The following RPTOR variants were observed in gnomAD, a reference collection of about 807,000 sequenced individuals.
The protein encoded by RPTOR is regulatory-associated protein of mTOR.
Under a neutral mutation model 169.9 loss-of-function variants are expected in RPTOR, and 21 were observed. The ratio of observed to expected loss-of-function variants is 0.12; its 90% CI spans 0.09 to 0.18. The LOEUF (loss-of-function observed/expected upper bound fraction) is 0.18. Ranked by LOEUF, RPTOR falls within the 10% of genes least tolerant of loss-of-function variation. The probability of loss-of-function intolerance (pLI) is 1.00; values close to 1 mark genes in which losing one functional copy is unlikely to be tolerated. For synonymous variants in RPTOR, 732 were observed against 753.2 expected (o/e 0.97, Z 0.46); for missense variants, 1,133 against 1,855.9 (o/e 0.61, Z 7.16).
At chr17:80,794,071 A>G (rs1393212702) in intron 7 of RPTOR, among the ~76,000 whole-genome samples, 1 of 152,246 alleles carries the variant, frequency 6.6e-6, no homozygotes, top group Non-Finnish European at 1.5e-5. Context: ...CATGATTCAC[A>G]AAAGAAAAAA....
chr17:80,899,916 G>A (rs1310719276), intron 20 of RPTOR, among the ~76,000 whole-genome samples: 1 of 152,150 alleles, frequency 6.6e-6, no homozygotes, highest in East Asian at 1.9e-4. Flanking sequence ...TGGCCTCCAA[G>A]GATACTCCTG....
rs2066577839 is a variant in RPTOR at position 80,746,591 on chromosome 17, C to T, written c.655-7419C>T. 6.6e-6 allele frequency among the ~76,000 whole-genome samples: 1 copy of T among 152,076 alleles called. No homozygotes were observed. Among genetic ancestry groups the T allele is most frequent in the Non-Finnish European group, 1.5e-5 (1 of 68,020 alleles). ...TGAGAGTCTTTCTTGTGTTTGAGTC[C>T]CTAGGCTCCCCGGAGAAACCCCTTT... On this transcript the variant is annotated intron_variant, in intron 5 of 33. Transcript: ENST00000306801. This position sits in a 1 kb window ranked among gnomAD's most constrained non-coding sequence, Gnocchi z 4.5.
chr17:80,730,767 G>A lies in RPTOR; in HGVS notation c.654+61G>A. ...TTGGTTTTGTTTTCCCTGGGGGTGG[G>A]GTTTGGGTGGGGAGGTTGGGAGGTG... On this transcript the variant is annotated intron_variant, in intron 5 of 33. Transcript: ENST00000306801. This position sits in a 1 kb window ranked among gnomAD's most constrained non-coding sequence, Gnocchi z 4.2. 2 of 1,255,412 alleles carry A rather than the reference G, an allele frequency of 1.6e-6. No homozygotes were observed. The highest frequency in any genetic ancestry group is 2.3e-6 in the Non-Finnish European group (2 of 885,842). The allele number at this position is 1,255,412 out of a possible 1,614,324, so 77.8% of individuals were successfully genotyped here.
intron 6 of RPTOR, among the ~76,000 whole-genome samples, chr17:80,763,032 T>C (rs1157872243): frequency 6.6e-6 from 1 of 152,174 alleles, no homozygotes; most frequent in Non-Finnish European, 1.5e-5. Context: ...GAGACACAGA[T>C]TTAAAGCAAA....
intron 13 of RPTOR, among the ~76,000 whole-genome samples, chr17:80,869,744 C>T (rs1567958707): frequency 6.6e-6 from 1 of 152,202 alleles, no homozygotes; most frequent in Non-Finnish European, 1.5e-5. Context: ...AGCAAATGTC[C>T]TTTTCCTTAG....
At chr17:80,814,665 C>T (rs1214401567) in intron 7 of RPTOR, among the ~76,000 whole-genome samples, 1 of 152,208 alleles carries the variant, frequency 6.6e-6, no homozygotes, top group African/African-American at 2.4e-5. Flanking sequence ...CTGTATTCAA[C>T]GTTTCATGCC....
At chr17:80,956,241 A>T (rs908608146) in intron 28 of RPTOR, among the ~76,000 whole-genome samples, 4 of 152,058 alleles carry the variant, frequency 2.6e-5, no homozygotes, top group Non-Finnish European at 5.9e-5. Context: ...AAAAAAGAGC[A>T]AACAATGGTA....
At chr17:80,585,193 A>G (rs1213556446) in intron 1 of RPTOR, among the ~76,000 whole-genome samples, 1 of 130,086 alleles carries the variant, frequency 7.7e-6, no homozygotes, top group African/African-American at 3.8e-5. Flanking sequence ...TATTATTATT[A>G]TTATTATTAT....
At chr17:80,896,515 A>C (rs1598386443) in intron 20 of RPTOR, among the ~76,000 whole-genome samples, 6 of 63,762 alleles carry the variant, frequency 9.4e-5, no homozygotes, top group South Asian at 4.4e-4. Flanking sequence ...CCGCACCGAC[A>C]CCCCGCATAG....
chr17:80,867,796 T>C (rs745702269), intron 13 of RPTOR, among the ~76,000 whole-genome samples: 10 of 152,264 alleles, frequency 6.6e-5, no homozygotes, highest in South Asian at 6.2e-4. Context: ...TACTTAGGGA[T>C]ACATTCTGAC....
chr17:80,588,692 AT>A (rs1339462357), intron 1 of RPTOR, among the ~76,000 whole-genome samples: 3 of 151,960 alleles, frequency 2.0e-5, no homozygotes, highest in Non-Finnish European at 4.4e-5. Flanking sequence ...CTTACTGGTG[AT>A]TTTGTTAGGA....
chr17:80,850,339 C>G (rs1164802537), intron 11 of RPTOR, among the ~76,000 whole-genome samples: 1 of 152,260 alleles, frequency 6.6e-6, no homozygotes, highest in Non-Finnish European at 1.5e-5. Flanking sequence ...AGTTATTCCA[C>G]TGAGCATAAT....
intron 2 of RPTOR, among the ~76,000 whole-genome samples, chr17:80,634,636 T>C (rs199680172): frequency 7.7e-6 from 1 of 130,408 alleles, no homozygotes; most frequent in African/African-American, 2.9e-5. Flanking sequence ...GCGTACTGTG[T>C]GTGTGCATAC....
intron 9 of RPTOR, among the ~76,000 whole-genome samples, chr17:80,834,622 G>A (rs1434654949): frequency 6.6e-6 from 1 of 152,186 alleles, no homozygotes; most frequent in African/African-American, 2.4e-5. Flanking sequence ...CAGCAACATG[G>A]GTCACGTGTC....
intron 3 of RPTOR, among the ~76,000 whole-genome samples, chr17:80,650,411 G>A (rs1275121535): frequency 6.6e-6 from 1 of 152,200 alleles, no homozygotes; most frequent in Non-Finnish European, 1.5e-5. Flanking sequence ...AGTCGTGCTG[G>A]GCTCACCGCT....
chr17:80,747,698 ACGGGAGCTTTGTCTCTCCAC>A (rs1204655255), intron 5 of RPTOR, among the ~76,000 whole-genome samples: 2 of 152,184 alleles, frequency 1.3e-5, no homozygotes, highest in Admixed American at 6.5e-5. Context: ...CGTCTGGACC[ACGGGAGCTTTGTCTCTCCAC>A]CGGACAAGAC....
chr17:80,960,565 C>T lies in RPTOR; in HGVS notation c.3605+360C>T, dbSNP rs1465888033. Among the ~76,000 whole-genome samples, 1 of 152,246 alleles carries T rather than the reference C, an allele frequency of 6.6e-6. No homozygotes were observed. The highest frequency in any genetic ancestry group is 2.4e-5 in the African/African-American group (1 of 41,470). On this transcript the variant is annotated intron_variant, in intron 30 of 33. Transcript: ENST00000306801. This position sits in a 1 kb window ranked among gnomAD's most constrained non-coding sequence, Gnocchi z 4.8. ...AGCTCACCTGAACAGAATACTGCCA[C>T]TGCCTGCCACCTCCTGGGTCATGCA...
intron 13 of RPTOR, among the ~76,000 whole-genome samples, chr17:80,875,563 G>A (rs2068097747): frequency 1.3e-5 from 2 of 152,172 alleles, no homozygotes; most frequent in Admixed American, 6.5e-5. Context: ...CTTGATCTGG[G>A]AGAAAACAAG....
intron 10 of RPTOR, among the ~76,000 whole-genome samples, chr17:80,842,721 T>C (rs1164728294): frequency 2.0e-5 from 3 of 152,246 alleles, no homozygotes; most frequent in Non-Finnish European, 4.4e-5. Context: ...GAAACCTTTA[T>C]TTCCTCTGAG....
Sources: allele counts gnomAD v4.1 joint callset (sites outside exome capture counted in the v4.1 genomes callset), GRCh38; gene constraint gnomAD v4.1.1; non-coding constraint Gnocchi (gnomAD v3.1); transcripts MANE v1.5; gene names NCBI Gene and HGNC (gene_info 2026-07-23, HGNC 2026-07-21).